COMMD1: variants seen among roughly 807,000 people sequenced by gnomAD.
COMMD1 encodes COMM domain-containing protein 1.
A neutral mutation model predicts 17.2 loss-of-function variants in COMMD1; 10 were observed. The ratio of observed to expected loss-of-function variants is 0.58; its 90% confidence interval spans 0.36 to 0.99. The LOEUF (loss-of-function observed/expected upper bound fraction) is 0.99. Ranked by LOEUF, COMMD1 falls within the 50% of genes least tolerant of loss-of-function variation. The pLI, the probability that COMMD1 is intolerant of heterozygous loss-of-function variation, is 0.01. For missense variants in COMMD1, 270 were observed against 231.8 expected, an observed-to-expected ratio of 1.17 and a Z score of -1.07; for synonymous variants, 97 against 91.6, an observed-to-expected ratio of 1.06 and a Z score of -0.34.
intron 2 of COMMD1, among the ~76,000 whole-genome samples, chr2:62,062,271 G>A (rs1477112297): frequency 1.3e-5 from 2 of 151,124 alleles, no homozygotes; most frequent in Non-Finnish European, 2.9e-5. Flanking sequence ...TTGTTGCCCA[G>A]GCTGGAGTGC....
At chr2:62,036,146 A>G (rs1465674971) in intron 2 of COMMD1, among the ~76,000 whole-genome samples, 5 of 152,088 alleles carry the variant, frequency 3.3e-5, no homozygotes, top group Admixed American at 3.3e-4. Flanking sequence ...TCTTGAGACA[A>G]CAATGCTAAA....
chr2:62,011,126 GT>G (rs1233332245), intron 2 of COMMD1, among the ~76,000 whole-genome samples: 1 of 151,652 alleles, frequency 6.6e-6, no homozygotes, highest in Admixed American at 6.6e-5. Context: ...AAAGTCTTTT[GT>G]TTTTTTTAAT....
intron 2 of COMMD1, among the ~76,000 whole-genome samples, chr2:62,057,990 T>C (rs1670756794): frequency 6.6e-6 from 1 of 152,218 alleles, no homozygotes; most frequent in Non-Finnish European, 1.5e-5. Context: ...TTTTAAAATA[T>C]TACGTTAAAT....
At chr2:62,107,922 T>C (rs1028166611) in intron 2 of COMMD1, among the ~76,000 whole-genome samples, 1 of 152,212 alleles carries the variant, frequency 6.6e-6, no homozygotes, top group Non-Finnish European at 1.5e-5. Context: ...TAAAAAACTC[T>C]AGAATTCAAT....
chr2:62,101,445 CAAAAAATTTAA>C (rs1468346198), intron 2 of COMMD1, among the ~76,000 whole-genome samples: 23 of 152,054 alleles, frequency 1.5e-4, no homozygotes, highest in Non-Finnish European at 2.9e-4. Context: ...CCCATCTCTA[CAAAAAATTTAA>C]AAAATTAGCT....
intron 2 of COMMD1, among the ~76,000 whole-genome samples, chr2:62,012,122 T>C (rs1050444374): frequency 6.6e-6 from 1 of 151,872 alleles, no homozygotes; most frequent in Non-Finnish European, 1.5e-5. Flanking sequence ...CTGGGTGTGG[T>C]GGCATGCACC....
chr2:62,098,236 A>C (rs1254787880), intron 2 of COMMD1, among the ~76,000 whole-genome samples: 2 of 146,450 alleles, frequency 1.4e-5, no homozygotes, highest in African/African-American at 5.1e-5. Context: ...GGCTCACTGC[A>C]ACTTCTGCCT....
At chr2:61,907,015 TG>T (rs1369341474) in intron 1 of COMMD1, among the ~76,000 whole-genome samples, 1 of 152,212 alleles carries the variant, frequency 6.6e-6, no homozygotes, top group Non-Finnish European at 1.5e-5. Context: ...CTCATGGAAA[TG>T]TAAGGAGTAA....
chr2:61,965,761 A>G (rs1671489187), intron 1 of COMMD1, among the ~76,000 whole-genome samples: 2 of 151,970 alleles, frequency 1.3e-5, no homozygotes, highest in Admixed American at 6.6e-5. Flanking sequence ...AAGTCCAGCT[A>G]CCCTTCTCAC....
intron 2 of COMMD1, among the ~76,000 whole-genome samples, chr2:62,036,052 T>TCA (rs1457386606): frequency 2.1e-5 from 3 of 141,154 alleles, no homozygotes; most frequent in East Asian, 2.0e-4. Context: ...AGACCCTGTC[T>TCA]CTCACACACA....
At chr2:62,089,472 T>A (rs1036437308) in intron 2 of COMMD1, among the ~76,000 whole-genome samples, 1 of 151,870 alleles carries the variant, frequency 6.6e-6, no homozygotes, top group Non-Finnish European at 1.5e-5. Context: ...TTAGTAAAGA[T>A]GGGATCTTGC....
intron 1 of COMMD1, among the ~76,000 whole-genome samples, chr2:61,929,713 C>G (rs1274261864): frequency 3.3e-5 from 5 of 152,136 alleles, no homozygotes; most frequent in Admixed American, 3.3e-4. Flanking sequence ...AGGAGGATCA[C>G]TTGAGCCCAG....
At chr2:61,923,831 G>A (rs1670257196) in intron 1 of COMMD1, among the ~76,000 whole-genome samples, 1 of 152,186 alleles carries the variant, frequency 6.6e-6, no homozygotes, top group South Asian at 2.1e-4. Flanking sequence ...CTGGAGTGCA[G>A]TGTGGTGTGA....
At chr2:61,893,165 C>T (rs1669475533) in intron 1 of COMMD1, among the ~76,000 whole-genome samples, 1 of 151,950 alleles carries the variant, frequency 6.6e-6, no homozygotes, top group Non-Finnish European at 1.5e-5. Flanking sequence ...CCATGCCTGG[C>T]CTCATTCTAT....
chr2:61,928,457 G>T (rs376114369), intron 1 of COMMD1, among the ~76,000 whole-genome samples: 1 of 152,036 alleles, frequency 6.6e-6, no homozygotes, highest in Non-Finnish European at 1.5e-5. Flanking sequence ...CACCATGCCC[G>T]GCCCAGGGAG....
intron 2 of COMMD1, among the ~76,000 whole-genome samples, chr2:62,075,297 C>T (rs1414158756): frequency 6.6e-6 from 1 of 152,140 alleles, no homozygotes. Flanking sequence ...AAAAACATCA[C>T]TGGGCCTGTG....
chr2:62,018,211 A>G (rs924802523), intron 2 of COMMD1, among the ~76,000 whole-genome samples: 3 of 152,176 alleles, frequency 2.0e-5, no homozygotes, highest in Non-Finnish European at 2.9e-5. Flanking sequence ...CCCAGGGGGA[A>G]GTCACTGTTC....
intron 2 of COMMD1, among the ~76,000 whole-genome samples, chr2:62,040,984 A>C (rs1670176969): frequency 6.6e-6 from 1 of 152,172 alleles, no homozygotes. Context: ...TGCTGGGATT[A>C]CAGACATGAG....
chr2:62,102,661 A>T (rs946830473), intron 2 of COMMD1, among the ~76,000 whole-genome samples: 2 of 152,162 alleles, frequency 1.3e-5, no homozygotes, highest in East Asian at 3.9e-4. Flanking sequence ...CCTCTTCCCC[A>T]AGGCAGGTCA....
Sources: gnomAD v4.1 joint callset for allele counts (sites outside exome capture counted in the v4.1 genomes callset) on GRCh38, gnomAD v4.1.1 for gene constraint, MANE v1.5 for transcripts, NCBI Gene and HGNC (gene_info 2026-07-23, HGNC 2026-07-21) for gene names.